Variants in FGF13 observed in about 807,000 individuals in gnomAD.
The protein encoded by FGF13 is fibroblast growth factor 13.
Under a neutral mutation model 19.5 loss-of-function variants are expected in FGF13, and 2 were observed. The observed-to-expected ratio is 0.10, with a 90% confidence interval of 0.04 to 0.32. FGF13 has a LOEUF of 0.32. FGF13 is among the 10% of genes least tolerant of loss of function. FGF13 has a pLI of 1.00. For synonymous variants in FGF13, 72 were observed against 76.9 expected (o/e 0.94, Z 0.33); for missense variants, 113 against 192.7 (o/e 0.59, Z 2.45).
In FGF13 at chrX:138,929,464, T is replaced by C. The variant is rs183481962; in HGVS notation, c.-112-64814A>G. Among the ~76,000 whole-genome samples, 104 of 111,236 alleles carry C rather than the reference T, an allele frequency of 9.3e-4. 1 individual carries two copies. The highest frequency in any genetic ancestry group is 1.6e-3 in the Non-Finnish European group (84 of 53,055). ...TTCCAATATAATCTCCTTTTTTTAT[T>C]TGAGCAGTTCAAATGGGTTCTCAAC... On this transcript the variant is annotated intron_variant, in intron 1 of 2. Coordinates refer to the FGF13 transcript ENST00000421460.
chrX:139,029,094 T>C (rs1438239747), intron 1 of FGF13, among the ~76,000 whole-genome samples: 1 of 111,165 alleles, frequency 9.0e-6, no homozygotes, highest in African/African-American at 3.3e-5. Context: ...ACAGGATTAT[T>C]ATATGTAGCA....
chrX:138,683,617 G>A (rs1050906461), intron 3 of FGF13, among the ~76,000 whole-genome samples: 41 of 111,472 alleles, frequency 3.7e-4, no homozygotes, highest in African/African-American at 1.2e-3. Context: ...AGATGCACAC[G>A]TCTAAGCCCA....
At chrX:138,990,740 T>C (rs1034845023) in intron 1 of FGF13, 2 of 112,019 alleles carry the variant, frequency 1.8e-5, no homozygotes, top group African/African-American at 6.5e-5. Flanking sequence ...TTGGGAATTA[T>C]GGGAGCTACA....
intron 1 of FGF13, among the ~76,000 whole-genome samples, chrX:139,182,716 C>T (rs2084250054): frequency 8.9e-6 from 1 of 111,747 alleles, no homozygotes; most frequent in Admixed American, 9.5e-5. Context: ...GTGAATAATG[C>T]TAATTTAGGA....
chrX:139,179,140 A>T (rs752906551), intron 1 of FGF13, among the ~76,000 whole-genome samples: 1 of 112,102 alleles, frequency 8.9e-6, no homozygotes, highest in South Asian at 3.7e-4. Context: ...CCAATATTCC[A>T]TGATACTGCC....
At chrX:139,164,878 T>C (rs1270025984) in intron 1 of FGF13, among the ~76,000 whole-genome samples, 1 of 109,715 alleles carries the variant, frequency 9.1e-6, no homozygotes, top group Non-Finnish European at 1.9e-5. Flanking sequence ...ATCTGTACTT[T>C]AAATAAAATA....
At chrX:139,175,963 T>A (rs2084179033) in intron 1 of FGF13, among the ~76,000 whole-genome samples, 1 of 111,818 alleles carries the variant, frequency 8.9e-6, no homozygotes, top group African/African-American at 3.3e-5. Flanking sequence ...TTGGAATAGT[T>A]TCAGAAGGAA....
Position 138,711,047 on chromosome X carries a change from T to C in FGF13, c.-44A>G. ...CACCGCTTCTTTTGCTGCCCCTCTC[T>C]GGGTTCGCCTCCTCCTCCTTCTCCT... On this transcript the variant is annotated 5_prime_UTR_variant, in exon 1 of 5. Coordinates refer to ENST00000315930, the MANE Select transcript of FGF13 (RefSeq NM_004114.5). The C allele has an allele frequency of 8.3e-7, 1 of 1,199,301 alleles. No homozygotes were observed.
chrX:139,086,755 A>T (rs1443006927), intron 1 of FGF13, among the ~76,000 whole-genome samples: 2 of 112,449 alleles, frequency 1.8e-5, no homozygotes, highest in East Asian at 5.6e-4. Flanking sequence ...CACTTTAATA[A>T]AAAAATAAAA....
chrX:138,994,859 A>G (rs2092034399), intron 1 of FGF13, among the ~76,000 whole-genome samples: 1 of 110,907 alleles, frequency 9.0e-6, no homozygotes, highest in Non-Finnish European at 1.9e-5. Context: ...ATGCCAATAA[A>G]TATTCTTTCA....
intron 3 of FGF13, among the ~76,000 whole-genome samples, chrX:138,650,775 C>G (rs2089362134): frequency 9.0e-6 from 1 of 111,635 alleles, no homozygotes; most frequent in African/African-American, 3.3e-5. Flanking sequence ...CAAAAATCCT[C>G]TCTTCTAGCT....
chrX:138,892,581 G>A (rs2091483290), intron 1 of FGF13, among the ~76,000 whole-genome samples: 1 of 111,095 alleles, frequency 9.0e-6, no homozygotes, highest in Non-Finnish European at 1.9e-5. Flanking sequence ...AGAGGAGGCA[G>A]AGTGTTTCAG....
At chrX:138,667,893 T>C (rs748662616) in intron 3 of FGF13, 15 of 248,544 alleles carry the variant, frequency 6.0e-5, no homozygotes, top group Non-Finnish European at 1.1e-4. Context: ...GTTATTCCAC[T>C]TCAGTGATGG....
intron 1 of FGF13, among the ~76,000 whole-genome samples, chrX:138,950,178 G>A (rs1254647310): frequency 8.9e-6 from 1 of 111,956 alleles, no homozygotes; most frequent in Non-Finnish European, 1.9e-5. Context: ...GAATCAATGA[G>A]TGAGCTGCAA....
chrX:138,670,106 T>C (rs1407684477), intron 3 of FGF13, among the ~76,000 whole-genome samples: 1 of 112,009 alleles, frequency 8.9e-6, no homozygotes, highest in Non-Finnish European at 1.9e-5. Flanking sequence ...GGTGAAAATG[T>C]TCAACAGACT....
chrX:139,154,779 AAAC>A (rs1391708387), intron 1 of FGF13, among the ~76,000 whole-genome samples: 1 of 112,143 alleles, frequency 8.9e-6, no homozygotes, highest in African/African-American at 3.2e-5. Context: ...TTGATTGAGA[AAAC>A]AACAAACTGC....
intron 2 of FGF13, among the ~76,000 whole-genome samples, chrX:138,862,819 T>C (rs1002699376): frequency 1.1e-4 from 12 of 112,120 alleles, no homozygotes; most frequent in Non-Finnish European, 2.3e-4. Flanking sequence ...TTTTCAATGT[T>C]TGGAAATTTC....
At chrX:138,929,854 CTGTGTGTGTGTGTGTGTG>C (rs577806507) in intron 1 of FGF13, among the ~76,000 whole-genome samples, 28 of 96,275 alleles carry the variant, frequency 2.9e-4, no homozygotes, top group African/African-American at 7.3e-4. Flanking sequence ...ACTGCCTTAG[CTGTGTGTGTGTGTGTGTG>C]TGTGTGTGTG....
chrX:138,793,605 C>T (rs1176798527), intron 3 of FGF13, among the ~76,000 whole-genome samples: 1 of 111,784 alleles, frequency 8.9e-6, no homozygotes, highest in Non-Finnish European at 1.9e-5. Flanking sequence ...GGAATTAATA[C>T]CGTACAACAT....
Sources: gnomAD v4.1 joint callset for allele counts (sites outside exome capture counted in the v4.1 genomes callset) on GRCh38, gnomAD v4.1.1 for gene constraint, MANE v1.5 for transcripts, NCBI Gene and HGNC (gene_info 2026-07-23, HGNC 2026-07-21) for gene names.